Variants in LAMB4 observed in about 807,000 individuals in gnomAD.
The protein encoded by LAMB4 is laminin subunit beta-4.
LAMB4 carries 196 observed loss-of-function variants against 199.2 expected under a neutral mutation model. The observed-to-expected ratio is 0.98, with a 90% confidence interval of 0.88 to 1.11. The LOEUF is 1.11. Among genes scored for constraint, LAMB4 ranks in the 50% least tolerant of loss-of-function variants. The pLI is 0.00. For missense variants in LAMB4, 2,080 were observed against 2,171.2 expected (o/e 0.96, Z 0.83); for synonymous variants, 744 against 770.6 (o/e 0.97, Z 0.57).
At chr7:108,020,364 G>A (rs969748438), downstream of LAMB4, among the ~76,000 whole-genome samples, 11 of 151,398 alleles carry the variant, frequency 7.3e-5, no homozygotes, top group Middle Eastern at 6.8e-3. Context: ...CCAGCTACTC[G>A]GGAGGGTAAG....
In LAMB4 at chr7:108,030,913, C is replaced by T. The variant is rs2035004260; in HGVS notation, c.4885G>A (p.Asp1629Asn). The change falls in exon 32 of 34, where the codon GAT (aspartate) becomes AAT (asparagine). Residue 1629 changes from aspartate (D) to asparagine (N), a missense_variant. Coordinates refer to ENST00000388781, the MANE Select transcript of LAMB4 (RefSeq NM_007356.3). Reference protein sequence around the residue: ...ELAKQRSGLEDGLSLLQTKLQ... With the variant: ...ELAKQRSGLENGLSLLQTKLQ... ...TTGGTCTGCAGCAGGGAAAGTCCAT[C>T]CTCCAGCCCTGATCGCTGCTTTGCT... 1 of 1,613,940 alleles carries T rather than the reference C, an allele frequency of 6.2e-7. No homozygotes were observed. Among genetic ancestry groups the T allele is most frequent in the African/African-American group, 1.3e-5 (1 of 74,886 alleles).
intron 11 of LAMB4, among the ~76,000 whole-genome samples, 194 bp from the exon 12 acceptor site, chr7:108,095,531 C>A (rs1239975873): frequency 6.6e-6 from 1 of 152,184 alleles, no homozygotes; most frequent in Admixed American, 6.5e-5. Flanking sequence ...GTGTCAGGCA[C>A]TTCCAGAGCC....
chr7:108,099,898 G>A (rs985523520), intron 10 of LAMB4, among the ~76,000 whole-genome samples: 20 of 152,128 alleles, frequency 1.3e-4, no homozygotes, highest in African/African-American at 4.3e-4. Context: ...ATTGTTTTGT[G>A]ACTGGTGACT....
At chr7:108,068,818 C>T (rs542915641) in intron 18 of LAMB4, among the ~76,000 whole-genome samples, 17 of 152,174 alleles carry the variant, frequency 1.1e-4, no homozygotes, top group African/African-American at 4.1e-4. Flanking sequence ...CTCAGCCTCC[C>T]GAGTAGCTGG....
chr7:108,072,813 G>A (rs573472591), intron 17 of LAMB4, among the ~76,000 whole-genome samples: 1 of 152,282 alleles, frequency 6.6e-6, no homozygotes, highest in Non-Finnish European at 1.5e-5. Flanking sequence ...GTATTCTTAA[G>A]TTGATATGAA....
Position 108,126,554 on chromosome 7 carries a change from C to CTTTTTTTTTTTTT in LAMB4, c.-33-3370_-33-3358dup, listed in dbSNP as rs71137605. Among the ~76,000 whole-genome samples, 29 of 83,528 alleles carry CTTTTTTTTTTTTT rather than the reference C, an allele frequency of 3.5e-4. 1 individual carries two copies. The highest frequency in any genetic ancestry group is 4.1e-4 in the Admixed American group (2 of 4,874). The allele number at this position is 83,528 out of a possible 152,430, so 54.8% of individuals were successfully genotyped here. A position where few individuals can be genotyped will look rare whatever the true frequency, so the allele number is the denominator to read the frequency against. ...TTGTAGGATGTGTCAGAATTTCTTT[C>CTTTTTTTTTTTTT]TTTTTTTTTTTTTTTTTTTTTGAGA... On this transcript the variant is annotated intron_variant, in intron 1 of 33. Coordinates refer to ENST00000388781, the MANE Select transcript of LAMB4 (RefSeq NM_007356.3).
chr7:108,016,978 C>T, the LAMB4 span, among the ~76,000 whole-genome samples: 1 of 152,114 alleles, frequency 6.6e-6, no homozygotes, highest in Non-Finnish European at 1.5e-5. Context: ...TGGTGTTTGC[C>T]ATCAAAGTGA....
chr7:108,020,819 G>A (rs567777977), downstream of LAMB4, among the ~76,000 whole-genome samples: 1 of 152,310 alleles, frequency 6.6e-6, no homozygotes, highest in East Asian at 1.9e-4. Context: ...TAATATAATG[G>A]TTGTTCCACT....
downstream of LAMB4, among the ~76,000 whole-genome samples, chr7:108,018,911 C>T (rs1034962331): frequency 1.7e-4 from 26 of 152,140 alleles, no homozygotes; most frequent in Admixed American, 1.7e-3. Flanking sequence ...AGGTGTGTCC[C>T]GTGTTTCCTG....
chr7:108,073,302 G>A (rs564842398), intron 17 of LAMB4, among the ~76,000 whole-genome samples: 41 of 152,304 alleles, frequency 2.7e-4, no homozygotes, highest in African/African-American at 7.2e-4. Context: ...CACCGCGCCC[G>A]GCCAGCTATA....
chr7:108,090,136 T>G (rs2037342231), intron 14 of LAMB4, among the ~76,000 whole-genome samples: 1 of 152,208 alleles, frequency 6.6e-6, no homozygotes, highest in South Asian at 2.1e-4. Flanking sequence ...ATAATGTATG[T>G]AAAGTGCAAA....
intron 25 of LAMB4, among the ~76,000 whole-genome samples, chr7:108,054,365 G>A: frequency 6.6e-6 from 1 of 152,104 alleles, no homozygotes; most frequent in East Asian, 1.9e-4. Flanking sequence ...GAACTACCTA[G>A]GTGGGTGATA....
At chr7:108,064,021 G>T in intron 21 of LAMB4, 36 bp from the exon 22 acceptor site, 1 of 1,468,380 alleles carries the variant, frequency 6.8e-7, no homozygotes, top group East Asian at 2.3e-5. Context: ...ATGGGGTGAG[G>T]TATCAGTGTT....
At chr7:108,128,089 CT>C (rs952148406) in intron 1 of LAMB4, among the ~76,000 whole-genome samples, 10 of 152,236 alleles carry the variant, frequency 6.6e-5, no homozygotes, top group Admixed American at 2.6e-4. Flanking sequence ...GATCGAGGTC[CT>C]TTGTTTTGTT....
At chr7:108,054,444 T>C (rs533677979) in intron 25 of LAMB4, among the ~76,000 whole-genome samples, 1 of 152,244 alleles carries the variant, frequency 6.6e-6, no homozygotes, top group African/African-American at 2.4e-5. Flanking sequence ...AGATAATGAG[T>C]TACCTTATAT....
intron 14 of LAMB4, among the ~76,000 whole-genome samples, chr7:108,086,912 T>C (rs2037202659): frequency 6.6e-6 from 1 of 152,158 alleles, no homozygotes; most frequent in Middle Eastern, 3.4e-3. Flanking sequence ...ACATGCACAG[T>C]AAAAATTGAG....
At chr7:108,084,270 CA>C (rs1382403851) in intron 14 of LAMB4, among the ~76,000 whole-genome samples, 1 of 152,168 alleles carries the variant, frequency 6.6e-6, no homozygotes, top group African/African-American at 2.4e-5. Flanking sequence ...TAAATTTCCT[CA>C]GGAATTATGA....
intron 29 of LAMB4, among the ~76,000 whole-genome samples, chr7:108,041,731 C>T (rs1201431715): frequency 6.6e-6 from 1 of 152,086 alleles, no homozygotes; most frequent in Non-Finnish European, 1.5e-5. Flanking sequence ...ACAACACACA[C>T]TGGGGCCTTT....
chr7:108,019,385 C>T (rs1195704853), downstream of LAMB4, among the ~76,000 whole-genome samples: 5 of 151,984 alleles, frequency 3.3e-5, no homozygotes, highest in African/African-American at 7.3e-5. Flanking sequence ...TGTGATTACA[C>T]GGGGCCCACC....
Sources: allele counts gnomAD v4.1 joint callset (sites outside exome capture counted in the v4.1 genomes callset), GRCh38; gene constraint gnomAD v4.1.1; transcripts MANE v1.5; gene names NCBI Gene and HGNC (gene_info 2026-07-23, HGNC 2026-07-21).